The following USP34 variants were observed in gnomAD, a reference collection of about 807,000 sequenced individuals.
USP34 encodes ubiquitin carboxyl-terminal hydrolase 34.
A neutral mutation model predicts 460.3 loss-of-function variants in USP34; 70 were observed. The observed-to-expected ratio is 0.15, with a 90% confidence interval of 0.13 to 0.19. The LOEUF (loss-of-function observed/expected upper bound fraction) is 0.19, where lower values mean the gene tolerates loss of function less well. Ranked by LOEUF, USP34 falls within the 10% of genes least tolerant of loss-of-function variation. USP34 has a pLI of 1.00. For missense variants in USP34, 3,985 were observed against 4,236.2 expected, an observed-to-expected ratio of 0.94 and a Z score of 1.65; for synonymous variants, 1,647 against 1,405.3, an observed-to-expected ratio of 1.17 and a Z score of -3.85.
chr2:61,292,712 A>G (rs1442225213), intron 33 of USP34, among the ~76,000 whole-genome samples: 6 of 152,200 alleles, frequency 3.9e-5, no homozygotes. Context: ...CTTGAATTCA[A>G]TGTTTGATAA....
At chr2:61,353,791 T>C (rs1484427318) in intron 10 of USP34, among the ~76,000 whole-genome samples, 2 of 151,942 alleles carry the variant, frequency 1.3e-5, no homozygotes, top group African/African-American at 2.4e-5. Flanking sequence ...AGGAAAACAA[T>C]GCATGAACAA....
At chr2:61,470,411 G>C (rs1373132943) in intron 1 of USP34, among the ~76,000 whole-genome samples, 2 of 151,374 alleles carry the variant, frequency 1.3e-5, no homozygotes, top group East Asian at 3.9e-4. Context: ...CAGAGCGCCC[G>C]GGCCAGGCCG....
At chr2:61,194,427 G>C (rs1028311932) in intron 75 of USP34, among the ~76,000 whole-genome samples, 1 of 152,194 alleles carries the variant, frequency 6.6e-6, no homozygotes, top group Non-Finnish European at 1.5e-5. Context: ...TAGAGGAAGG[G>C]TTAGCAAACT....
intron 51 of USP34, among the ~76,000 whole-genome samples, chr2:61,244,575 A>C (rs2103865801): frequency 6.6e-6 from 1 of 151,170 alleles, no homozygotes; most frequent in Non-Finnish European, 1.5e-5. Flanking sequence ...AGATCGCGCC[A>C]CTGACTCCAG....
intron 16 of USP34, among the ~76,000 whole-genome samples, chr2:61,340,024 T>C (rs1308588707): frequency 6.6e-6 from 1 of 152,160 alleles, no homozygotes; most frequent in East Asian, 1.9e-4. Flanking sequence ...TTGATAAGGC[T>C]AAAGTGAAAT....
chr2:61,340,342 G>C (rs565332187), intron 16 of USP34, among the ~76,000 whole-genome samples: 43 of 152,128 alleles, frequency 2.8e-4, no homozygotes, highest in African/African-American at 7.2e-4. Context: ...CTAGTTTTAC[G>C]CTATTATTAA....
At chr2:61,470,622 C>T in intron 1 of USP34, 28 bp downstream of exon 1, 1 of 1,557,020 alleles carries the variant, frequency 6.4e-7, no homozygotes, top group Non-Finnish European at 8.8e-7. Flanking sequence ...ACCGTGCACC[C>T]CGACAGGCCG....
At chr2:61,273,810 CAG>C (rs1295863206) in intron 41 of USP34, among the ~76,000 whole-genome samples, 2 of 151,726 alleles carry the variant, frequency 1.3e-5, no homozygotes, top group African/African-American at 4.8e-5. Context: ...TAAGATGAAA[CAG>C]AAAGTCCAGA....
intron 16 of USP34, among the ~76,000 whole-genome samples, chr2:61,341,951 C>CAA (rs1691616377): frequency 6.6e-6 from 1 of 151,488 alleles, no homozygotes; most frequent in South Asian, 2.1e-4. Context: ...TTAGTACCAA[C>CAA]GGGGTTTCAC....
chr2:61,427,835 G>T (rs1380046780), intron 1 of USP34, among the ~76,000 whole-genome samples: 6 of 152,108 alleles, frequency 3.9e-5, no homozygotes, highest in African/African-American at 1.4e-4. Context: ...ATGCCTACGG[G>T]ATCTAGAAAA....
chr2:61,344,091 C>CA (rs1027370325), intron 15 of USP34, 62 bp from the exon 16 acceptor site: 85 of 1,459,278 alleles, frequency 5.8e-5, no homozygotes, highest in Non-Finnish European at 7.7e-5. Flanking sequence ...TTGTGAACCA[C>CA]AAAAAATACC....
chr2:61,365,602 A>G (rs72813566), intron 10 of USP34, among the ~76,000 whole-genome samples: 24,406 of 152,130 alleles, frequency 0.16, 2,287 homozygotes, highest in South Asian at 0.36. Context: ...AATAAATACA[A>G]TTAATTCTGG....
At chr2:61,243,623 C>G (rs1415138301) in intron 51 of USP34, among the ~76,000 whole-genome samples, 4 of 150,222 alleles carry the variant, frequency 2.7e-5, no homozygotes, top group Non-Finnish European at 5.9e-5. Flanking sequence ...CCTATAATCC[C>G]AGCACTTTGG....
intron 58 of USP34, among the ~76,000 whole-genome samples, chr2:61,230,791 C>T (rs1467124829): frequency 6.6e-6 from 1 of 150,618 alleles, no homozygotes; most frequent in East Asian, 1.9e-4. Context: ...TTGCAGTGAG[C>T]CAAGACCACG....
At chr2:61,394,533 CAAAAAAAAAAAAAAAAA>C (rs200686763) in intron 5 of USP34, among the ~76,000 whole-genome samples, 53,710 of 112,144 alleles carry the variant, frequency 0.48, 10,198 homozygotes, top group Admixed American at 0.54. Flanking sequence ...CCCTCTCTCT[CAAAAAAAAAAAAAAAAA>C]AAAAAAAATA....
intron 3 of USP34, 26 bp from the exon 4 acceptor site, chr2:61,395,259 A>C: frequency 7.6e-7 from 1 of 1,321,208 alleles, no homozygotes; most frequent in Non-Finnish European, 1.1e-6. Context: ...AAAGCAAGTA[A>C]AATTAGGTTA....
intron 3 of USP34, among the ~76,000 whole-genome samples, chr2:61,402,888 G>A (rs953427396): frequency 2.6e-5 from 4 of 152,052 alleles, no homozygotes; most frequent in African/African-American, 9.7e-5. Context: ...TTTATAACAT[G>A]TATGCTACCA....
intron 33 of USP34, among the ~76,000 whole-genome samples, chr2:61,289,365 G>A (rs1689781308): frequency 6.6e-6 from 1 of 151,902 alleles, no homozygotes; most frequent in East Asian, 1.9e-4. Context: ...TGAAACTCTT[G>A]CACTTTCCAT....
At chr2:61,203,666 T>C (rs1358036243) in intron 74 of USP34, among the ~76,000 whole-genome samples, 4 of 152,072 alleles carry the variant, frequency 2.6e-5, no homozygotes, top group Non-Finnish European at 5.9e-5. Context: ...AATCCGAAGA[T>C]GGCAAGCAAG....
Sources: gnomAD v4.1 joint callset for allele counts (sites outside exome capture counted in the v4.1 genomes callset) on GRCh38, gnomAD v4.1.1 for gene constraint, MANE v1.5 for transcripts, NCBI Gene and HGNC (gene_info 2026-07-23, HGNC 2026-07-21) for gene names.